SYNE1: variants seen among roughly 807,000 people sequenced by gnomAD.
SYNE1 encodes the protein spectrin repeat containing nuclear envelope protein 1.
A neutral mutation model predicts 1,111.0 loss-of-function variants in SYNE1; 616 were observed. The ratio of observed to expected loss-of-function variants is 0.55; its 90% CI spans 0.52 to 0.59. The LOEUF is 0.59. SYNE1 is among the 20% of genes least tolerant of loss of function. The pLI is 0.00. For missense variants in SYNE1, 10,006 were observed against 10,417.0 expected (o/e 0.96, Z 1.72); for synonymous variants, 3,855 against 3,825.8 (o/e 1.01, Z -0.28).
Position 152,122,638 on chromosome 6 carries a change from G to A in SYNE1, c.26192C>T (p.Pro8731Leu), listed in dbSNP as rs762769598. Reference sequence around the variant, plus strand: ...GCCGCGGCCGGACCGACCTGGCCCTGGCTCAGAAAGGGAGGAATCGGAGCC... The same window carrying A: ...GCCGCGGCCGGACCGACCTGGCCCTAGCTCAGAAAGGGAGGAATCGGAGCC... ...KGGSDSSLSE[P>L]GPGRSGRGFL... Residue 8731 changes from proline (P) to leucine (L), a missense_variant, in exon 146 of 146, where the codon CCA becomes CTA. Pro to Leu is a moderately conservative substitution (Grantham distance 98). Transcript: ENST00000367255. 6.2e-7 allele frequency: 1 copy of A among 1,614,090 alleles called. No homozygotes were observed. Among genetic ancestry groups the A allele is most frequent in the South Asian group, 1.1e-5 (1 of 91,080 alleles).
At chr6:152,279,452 T>C (rs1327199902) in intron 97 of SYNE1, among the ~76,000 whole-genome samples, 1 of 151,604 alleles carries the variant, frequency 6.6e-6, no homozygotes, top group Non-Finnish European at 1.5e-5. Context: ...GTGGTGGCTC[T>C]CACCTGTAAT....
chr6:152,523,362 G>T (rs912888260), intron 5 of SYNE1, among the ~76,000 whole-genome samples: 1 of 152,042 alleles, frequency 6.6e-6, no homozygotes, highest in Non-Finnish European at 1.5e-5. Context: ...TCATTTGATT[G>T]TAAGTATTTG....
chr6:152,514,975 AT>A (rs2099104257), intron 6 of SYNE1, among the ~76,000 whole-genome samples: 1 of 152,166 alleles, frequency 6.6e-6, no homozygotes, highest in African/African-American at 2.4e-5. Context: ...TAATCCCAGC[AT>A]TTTGGGAGGC....
rs533927341 is a variant in SYNE1 at position 152,326,465 on chromosome 6, C to G, written c.15124G>C (p.Glu5042Gln). 2 of 1,614,058 alleles carry G rather than the reference C, an allele frequency of 1.2e-6. No homozygotes were observed. The highest frequency in any genetic ancestry group is 2.7e-5 in the African/African-American group (2 of 74,914). Residue 5042 changes from glutamate (E) to glutamine (Q), a missense_variant, in exon 79 of 146, where the codon GAG becomes CAG. Physicochemically the swap from Glu to Gln is conservative, Grantham distance 29. Around this residue, in one of 7 missense-constraint regions of SYNE1, gnomAD observed 4,955 missense variants for 5,017.2 expected, o/e 0.99. Coordinates refer to ENST00000367255, the MANE Select transcript of SYNE1 (RefSeq NM_182961.4). ...TCCAGGTTACTATGGAACTGATCCT[C>G]TGTACTGAAAAATTCCATGTGGCTT... ...LKSHMEFFST[E>Q]DQFHSNLEEL...
At chr6:152,145,899 C>A in intron 137 of SYNE1, 1 of 347,728 alleles carries the variant, frequency 2.9e-6, no homozygotes, top group South Asian at 2.3e-5. Flanking sequence ...GTGACAGGTA[C>A]CTGTAATCCC....
chr6:152,460,188 T>A (rs1361258030), intron 21 of SYNE1, among the ~76,000 whole-genome samples: 1 of 152,210 alleles, frequency 6.6e-6, no homozygotes, highest in Non-Finnish European at 1.5e-5. Context: ...AGCCCAGCTA[T>A]GGCCCTGAAA....
At chr6:152,570,311 A>C (rs142130714) in intron 3 of SYNE1, among the ~76,000 whole-genome samples, 192 of 152,298 alleles carry the variant, frequency 1.3e-3, no homozygotes, top group African/African-American at 4.3e-3. Flanking sequence ...TTTCAGAAAA[A>C]TCTTTTGAAT....
chr6:152,598,593 A>G (rs1409906240), intron 3 of SYNE1, among the ~76,000 whole-genome samples: 1 of 152,232 alleles, frequency 6.6e-6, no homozygotes, highest in Non-Finnish European at 1.5e-5. Context: ...GAGTTTCAAA[A>G]TAGCATCATG....
At chr6:152,529,234 G>A (rs1333587671) in intron 4 of SYNE1, among the ~76,000 whole-genome samples, 1 of 151,934 alleles carries the variant, frequency 6.6e-6, no homozygotes, top group Non-Finnish European at 1.5e-5. Flanking sequence ...CTAAATATTG[G>A]AATTTATATA....
chr6:152,350,821 T>G (rs1192160094), intron 70 of SYNE1, 51 bp from the exon 71 acceptor site: 1 of 1,606,060 alleles, frequency 6.2e-7, no homozygotes, highest in Non-Finnish European at 8.5e-7. Context: ...GTGGACAAGA[T>G]GAATACATAC....
intron 3 of SYNE1, among the ~76,000 whole-genome samples, chr6:152,588,950 C>A (rs1171209549): frequency 6.6e-6 from 1 of 151,222 alleles, no homozygotes; most frequent in Non-Finnish European, 1.5e-5. Context: ...TGCTTGTATT[C>A]TTTTTCTCTT....
chr6:152,423,919 T>C (rs966989903), intron 39 of SYNE1, among the ~76,000 whole-genome samples: 4 of 152,374 alleles, frequency 2.6e-5, no homozygotes, highest in South Asian at 4.1e-4. Context: ...GAGGTCTCGC[T>C]TGACCACCAT....
intron 91 of SYNE1, among the ~76,000 whole-genome samples, chr6:152,306,368 C>T (rs1189507218): frequency 4.0e-5 from 6 of 151,866 alleles, no homozygotes; most frequent in Non-Finnish European, 8.8e-5. Context: ...CGCCTGTAAT[C>T]CCAGCTACTC....
chr6:152,238,198 CT>C (rs1017506677), intron 108 of SYNE1, among the ~76,000 whole-genome samples: 41 of 152,034 alleles, frequency 2.7e-4, no homozygotes, highest in African/African-American at 8.2e-4. Flanking sequence ...CCTGGTGGGG[CT>C]ACAATTTAAA....
intron 74 of SYNE1, among the ~76,000 whole-genome samples, chr6:152,340,819 G>A (rs1033693110): frequency 2.6e-5 from 4 of 152,038 alleles, no homozygotes; most frequent in African/African-American, 7.2e-5. Flanking sequence ...GCTTGCCACA[G>A]GGGTGGCAGG....
chr6:152,604,200 A>G (rs960766901), intron 3 of SYNE1, among the ~76,000 whole-genome samples: 4 of 150,928 alleles, frequency 2.7e-5, no homozygotes, highest in Admixed American at 2.0e-4. Context: ...GTGTGTATGT[A>G]GTGGTATTGG....
intron 34 of SYNE1, among the ~76,000 whole-genome samples, chr6:152,431,070 C>G (rs1037530298): frequency 1.3e-5 from 2 of 152,180 alleles, no homozygotes; most frequent in Non-Finnish European, 2.9e-5. Flanking sequence ...GCTGGGGAAG[C>G]ATTGTGTTTC....
chr6:152,351,138 C>G (rs566574552), intron 70 of SYNE1, among the ~76,000 whole-genome samples: 7 of 152,280 alleles, frequency 4.6e-5, no homozygotes, highest in African/African-American at 1.7e-4. Flanking sequence ...GAAGTTAGTT[C>G]CAGTTTGAGC....
intron 135 of SYNE1, among the ~76,000 whole-genome samples, chr6:152,149,898 G>C (rs2060118371): frequency 6.6e-6 from 1 of 152,142 alleles, no homozygotes; most frequent in Non-Finnish European, 1.5e-5. Context: ...GATCAGAAAA[G>C]CGCTTTTGGC....
Sources: allele counts gnomAD v4.1 joint callset (sites outside exome capture counted in the v4.1 genomes callset), GRCh38; gene constraint gnomAD v4.1.1; regional missense constraint gnomAD v4.1.1; transcripts MANE v1.5; gene names NCBI Gene and HGNC (gene_info 2026-07-23, HGNC 2026-07-21).